Variants in PDGFC observed in about 807,000 individuals in gnomAD.
PDGFC encodes the protein platelet derived growth factor C, also known as platelet-derived growth factor C.
Under a neutral mutation model 35.5 loss-of-function variants are expected in PDGFC, and 12 were observed. The observed-to-expected ratio is 0.34, with a 90% confidence interval of 0.22 to 0.55. The LOEUF (loss-of-function observed/expected upper bound fraction) is 0.55, where lower values mean the gene tolerates loss of function less well. Among genes scored for constraint, PDGFC ranks in the 20% least tolerant of loss-of-function variants. The pLI, the probability that PDGFC is intolerant of heterozygous loss-of-function variation, is 0.91. For missense variants in PDGFC, 322 were observed against 412.4 expected, an observed-to-expected ratio of 0.78 and a Z score of 1.90; for synonymous variants, 159 against 148.8, an observed-to-expected ratio of 1.07 and a Z score of -0.50.
intron 3 of PDGFC, among the ~76,000 whole-genome samples, chr4:156,775,969 GA>G (rs1044169213): frequency 1.3e-5 from 2 of 152,042 alleles, no homozygotes; most frequent in African/African-American, 2.4e-5. Context: ...CAGAACAGGG[GA>G]AGTGGTGCTT....
At chr4:156,932,746 T>C (rs1217990904) in intron 1 of PDGFC, among the ~76,000 whole-genome samples, 1 of 58,188 alleles carries the variant, frequency 1.7e-5, no homozygotes, top group Admixed American at 2.8e-4. Context: ...GGGCCTGTTG[T>C]GGGGTGGGGG....
chr4:156,970,747 G>T, intron 1 of PDGFC, 39 bp downstream of exon 1: 1 of 1,265,054 alleles, frequency 7.9e-7, no homozygotes, highest in Non-Finnish European at 1.2e-6. Context: ...AACACACACA[G>T]CGAGAAACAA....
At chr4:156,952,556 C>A (rs769115024) in intron 1 of PDGFC, among the ~76,000 whole-genome samples, 1 of 151,816 alleles carries the variant, frequency 6.6e-6, no homozygotes, top group Non-Finnish European at 1.5e-5. Context: ...CTAAGTCACA[C>A]ACAAAACGTG....
intron 1 of PDGFC, among the ~76,000 whole-genome samples, chr4:156,895,334 T>C (rs1730605460): frequency 6.6e-6 from 1 of 152,082 alleles, no homozygotes; most frequent in South Asian, 2.1e-4. Flanking sequence ...AGCAAATCAA[T>C]AGAAAATGAG....
At chr4:156,904,556 G>C (rs1730869671) in intron 1 of PDGFC, among the ~76,000 whole-genome samples, 1 of 152,014 alleles carries the variant, frequency 6.6e-6, no homozygotes, top group African/African-American at 2.4e-5. Context: ...AAATAAGAAT[G>C]AATAATCTCT....
At chr4:156,878,537 CA>C (rs1441667648) in intron 1 of PDGFC, among the ~76,000 whole-genome samples, 2 of 152,198 alleles carry the variant, frequency 1.3e-5, no homozygotes, top group East Asian at 3.9e-4. Flanking sequence ...GGCCCTTATC[CA>C]AAATGGTTGT....
At chr4:156,788,201 T>C (rs1037548241) in intron 3 of PDGFC, among the ~76,000 whole-genome samples, 2 of 151,462 alleles carry the variant, frequency 1.3e-5, no homozygotes, top group Non-Finnish European at 2.9e-5. Context: ...GCTGCAGTGA[T>C]AGGAGAAAAA....
At position 156,966,658 on chromosome 4, in the gene PDGFC, T is replaced by C. The variant is rs117249874; in HGVS notation, c.118+4128A>G. Among the ~76,000 whole-genome samples the C allele has an allele frequency of 4.4e-3, 671 of 151,654 alleles. 21 individuals are homozygous for C. In the East Asian group the frequency reaches 0.1, roughly 23 times the overall value. On this transcript the variant is annotated intron_variant, in intron 1 of 5. Transcript: ENST00000502773. ...GAAATAAGTTTCAGGAAGGGTGAAA[T>C]ACAAGTAGACAAAGCTAAGGCTTCC...
intron 1 of PDGFC, among the ~76,000 whole-genome samples, chr4:156,867,469 A>T (rs1220045353): frequency 6.6e-6 from 1 of 152,130 alleles, no homozygotes; most frequent in Non-Finnish European, 1.5e-5. Flanking sequence ...GCTTCAGGAG[A>T]TGGTGGTAAT....
intron 5 of PDGFC, among the ~76,000 whole-genome samples, chr4:156,765,830 G>GA (rs1730509487): frequency 6.6e-6 from 1 of 152,052 alleles, no homozygotes; most frequent in African/African-American, 2.4e-5. Context: ...TAGGCACAGT[G>GA]AAAAAGCAAA....
At chr4:156,787,776 A>C (rs1289177186) in intron 3 of PDGFC, among the ~76,000 whole-genome samples, 1 of 152,160 alleles carries the variant, frequency 6.6e-6, no homozygotes, top group Non-Finnish European at 1.5e-5. Context: ...GAGGAAAGTC[A>C]GTTGCTGAGG....
chr4:156,813,970 C>T (rs1732010849), intron 2 of PDGFC, among the ~76,000 whole-genome samples: 1 of 152,104 alleles, frequency 6.6e-6, no homozygotes, highest in Admixed American at 6.6e-5. Context: ...TGAGCACCTA[C>T]ACCCCAGGCA....
At chr4:156,859,833 C>T (rs975376952) in intron 1 of PDGFC, among the ~76,000 whole-genome samples, 2 of 152,070 alleles carry the variant, frequency 1.3e-5, no homozygotes, top group Admixed American at 1.3e-4. Context: ...AATGAGAATA[C>T]CCAATTGTGC....
chr4:156,829,794 A>T (rs1460452151), intron 2 of PDGFC, among the ~76,000 whole-genome samples: 1 of 152,142 alleles, frequency 6.6e-6, no homozygotes, highest in Non-Finnish European at 1.5e-5. Flanking sequence ...ATATTCATAT[A>T]TTCAGAATTT....
At chr4:156,857,902 T>C (rs182059562) in intron 1 of PDGFC, among the ~76,000 whole-genome samples, 291 of 152,168 alleles carry the variant, frequency 1.9e-3, no homozygotes, top group Non-Finnish European at 1.4e-3. Context: ...TACGGTAGTA[T>C]TGAAAAATGC....
intron 1 of PDGFC, among the ~76,000 whole-genome samples, chr4:156,866,281 T>A (rs2111128160): frequency 6.6e-6 from 1 of 152,304 alleles, no homozygotes; most frequent in African/African-American, 2.4e-5. Context: ...ACAAAGGACA[T>A]GAACTCATCA....
intron 3 of PDGFC, among the ~76,000 whole-genome samples, chr4:156,787,283 A>G (rs1238563630): frequency 2.6e-5 from 4 of 152,098 alleles, no homozygotes; most frequent in Non-Finnish European, 5.9e-5. Flanking sequence ...TGATCTGGAT[A>G]CCAGTGTCAA....
intron 1 of PDGFC, among the ~76,000 whole-genome samples, chr4:156,910,972 A>AT (rs1197976716): frequency 2.6e-5 from 4 of 152,100 alleles, no homozygotes; most frequent in Non-Finnish European, 5.9e-5. Context: ...GTTTGTAAAT[A>AT]TTTTTTTCTA....
intron 1 of PDGFC, among the ~76,000 whole-genome samples, chr4:156,935,099 G>A (rs1403318639): frequency 2.0e-5 from 3 of 152,086 alleles, no homozygotes; most frequent in Non-Finnish European, 4.4e-5. Context: ...GGGTTCAAGC[G>A]ATTCTCTCCT....
Sources: gnomAD v4.1 joint callset for allele counts (sites outside exome capture counted in the v4.1 genomes callset) on GRCh38, gnomAD v4.1.1 for gene constraint, MANE v1.5 for transcripts, NCBI Gene and HGNC (gene_info 2026-07-23, HGNC 2026-07-21) for gene names.